The following DRC11 variants were observed in gnomAD, a reference collection of about 807,000 sequenced individuals.
The protein encoded by DRC11 is dynein regulatory complex subunit 11.
the DRC11 span, among the ~76,000 whole-genome samples, chr2:236,355,934 G>C: frequency 6.6e-6 from 1 of 152,130 alleles, no homozygotes; most frequent in African/African-American, 2.4e-5. Flanking sequence ...CACCACATCT[G>C]GGCAAGAGCC....
the DRC11 span, among the ~76,000 whole-genome samples, chr2:236,462,246 G>T: frequency 2.0e-4 from 31 of 152,128 alleles, no homozygotes; most frequent in Non-Finnish European, 4.3e-4. The surrounding 1 kb of genome is among the most constrained non-coding windows in gnomAD (Gnocchi z 6.4). Context: ...AGCAGAGCCG[G>T]GCTCAGACCC....
At chr2:236,336,437 G>T in the DRC11 span, among the ~76,000 whole-genome samples, 1 of 57,120 alleles carries the variant, frequency 1.8e-5, no homozygotes, top group South Asian at 3.7e-4. The surrounding 1 kb of genome is among the most constrained non-coding windows in gnomAD (Gnocchi z 7.3). Flanking sequence ...CTGCCACCAC[G>T]GCCACCACCA....
chr2:236,465,744 CATAAAA>C, the DRC11 span: 1 of 1,358,632 alleles, frequency 7.4e-7, no homozygotes, highest in Non-Finnish European at 1.0e-6. This position sits in a 1 kb window ranked among gnomAD's most constrained non-coding sequence, Gnocchi z 6.2. Flanking sequence ...GGTTTGAGGT[CATAAAA>C]GTTACAGAGT....
chr2:236,315,214 G>A, the DRC11 span, among the ~76,000 whole-genome samples: 1 of 152,172 alleles, frequency 6.6e-6, no homozygotes, highest in Non-Finnish European at 1.5e-5. The surrounding 1 kb of genome is among the most constrained non-coding windows in gnomAD (Gnocchi z 5.1). Flanking sequence ...GAAAAGCACT[G>A]GGAAAAGAAC....
the DRC11 span, among the ~76,000 whole-genome samples, chr2:236,372,448 G>A: frequency 3.3e-5 from 5 of 152,152 alleles, no homozygotes; most frequent in Non-Finnish European, 5.9e-5. This position sits in a 1 kb window ranked among gnomAD's most constrained non-coding sequence, Gnocchi z 4.5. Context: ...TCCAAGAACA[G>A]TTTTTGTATT....
chr2:236,507,166 A>C, the DRC11 span: 2 of 1,346,088 alleles, frequency 1.5e-6, no homozygotes, highest in Non-Finnish European at 2.1e-6. Context: ...AGAAAAGAAA[A>C]GAAAAAAGAA....
chr2:236,431,231 T>C, the DRC11 span, among the ~76,000 whole-genome samples: 1 of 152,216 alleles, frequency 6.6e-6, no homozygotes, highest in Non-Finnish European at 1.5e-5. This position sits in a 1 kb window ranked among gnomAD's most constrained non-coding sequence, Gnocchi z 4.2. Context: ...TCCATTCTCA[T>C]GCTGGTATGA....
the DRC11 span, chr2:236,408,058 A>C: frequency 1.7e-6 from 1 of 589,248 alleles, no homozygotes; most frequent in South Asian, 1.4e-5. The surrounding 1 kb of genome is among the most constrained non-coding windows in gnomAD (Gnocchi z 5.5). Flanking sequence ...CTTGGTTCCC[A>C]CCACACATTC....
At chr2:236,375,965 A>G in the DRC11 span, among the ~76,000 whole-genome samples, 2 of 152,198 alleles carry the variant, frequency 1.3e-5, no homozygotes, top group Non-Finnish European at 2.9e-5. This position sits in a 1 kb window ranked among gnomAD's most constrained non-coding sequence, Gnocchi z 4.2. Flanking sequence ...CAGAATCTCC[A>G]CAGCCTCAAA....
At chr2:236,351,614 C>T in the DRC11 span, among the ~76,000 whole-genome samples, 3 of 152,062 alleles carry the variant, frequency 2.0e-5, no homozygotes, top group African/African-American at 7.2e-5. The surrounding 1 kb of genome is among the most constrained non-coding windows in gnomAD (Gnocchi z 7.3). Flanking sequence ...CAGAAAAATC[C>T]CTCTTGGGAG....
At chr2:236,459,628 C>G in the DRC11 span, among the ~76,000 whole-genome samples, 1 of 130,584 alleles carries the variant, frequency 7.7e-6, no homozygotes, top group Non-Finnish European at 1.6e-5. Flanking sequence ...TATATACATA[C>G]GTATATACGT....
the DRC11 span, among the ~76,000 whole-genome samples, chr2:236,473,363 T>G: frequency 6.6e-6 from 1 of 152,224 alleles, no homozygotes; most frequent in African/African-American, 2.4e-5. The surrounding 1 kb of genome is among the most constrained non-coding windows in gnomAD (Gnocchi z 4.8). Flanking sequence ...AAGCTCGTAC[T>G]TGAGGTTAGT....
chr2:236,352,753 G>A, the DRC11 span, among the ~76,000 whole-genome samples: 3 of 152,024 alleles, frequency 2.0e-5, no homozygotes, highest in Admixed American at 6.5e-5. This position sits in a 1 kb window ranked among gnomAD's most constrained non-coding sequence, Gnocchi z 7.0. Flanking sequence ...TTATTTCTCC[G>A]TTATCATTTT....
chr2:236,506,951 T>A, the DRC11 span, among the ~76,000 whole-genome samples: 6,498 of 152,256 alleles, frequency 0.043, 286 homozygotes, highest in East Asian at 0.17. This position sits in a 1 kb window ranked among gnomAD's most constrained non-coding sequence, Gnocchi z 4.9. Flanking sequence ...GGCATAGTGC[T>A]TCTCAGCAAT....
the DRC11 span, among the ~76,000 whole-genome samples, chr2:236,336,274 A>G: frequency 6.6e-6 from 1 of 152,188 alleles, no homozygotes; most frequent in African/African-American, 2.4e-5. The surrounding 1 kb of genome is among the most constrained non-coding windows in gnomAD (Gnocchi z 7.3). Flanking sequence ...TTGTTCTTTT[A>G]GCAAAAAAAA....
chr2:236,337,240 T>C, the DRC11 span, among the ~76,000 whole-genome samples: 1 of 152,176 alleles, frequency 6.6e-6, no homozygotes, highest in Non-Finnish European at 1.5e-5. This position sits in a 1 kb window ranked among gnomAD's most constrained non-coding sequence, Gnocchi z 4.9. Flanking sequence ...TGGAAGCACA[T>C]GGTGGAATAA....
chr2:236,358,350 C>A, the DRC11 span, among the ~76,000 whole-genome samples: 20 of 128,988 alleles, frequency 1.6e-4, no homozygotes, highest in East Asian at 4.5e-4. Context: ...TAGATATATA[C>A]TATATGAATA....
the DRC11 span, among the ~76,000 whole-genome samples, chr2:236,393,372 G>T: frequency 6.6e-6 from 1 of 152,144 alleles, no homozygotes; most frequent in Non-Finnish European, 1.5e-5. The surrounding 1 kb of genome is among the most constrained non-coding windows in gnomAD (Gnocchi z 4.7). Flanking sequence ...AAGGCAGGGG[G>T]TGGTGAATGA....
the DRC11 span, among the ~76,000 whole-genome samples, chr2:236,439,167 G>A: frequency 6.6e-6 from 1 of 150,660 alleles, no homozygotes; most frequent in East Asian, 1.9e-4. Flanking sequence ...AACTAGAAAA[G>A]CAAGAGCAAA....
Sources: allele counts gnomAD v4.1 joint callset (sites outside exome capture counted in the v4.1 genomes callset), GRCh38; gene constraint gnomAD v4.1.1; non-coding constraint Gnocchi (gnomAD v3.1); transcripts MANE v1.5; gene names NCBI Gene and HGNC (gene_info 2026-07-23, HGNC 2026-07-21).